Variants in SNRPN observed in about 807,000 individuals in gnomAD.
SNRPN encodes small nuclear ribonucleoprotein polypeptide N.
A neutral mutation model predicts 25.2 loss-of-function variants in SNRPN; 7 were observed. That is an observed-to-expected ratio of 0.28 (90% confidence interval 0.16 to 0.52). The LOEUF is 0.52. Ranked by LOEUF, SNRPN falls within the 20% of genes least tolerant of loss-of-function variation. The pLI is 0.96. For missense variants in SNRPN, 196 were observed against 322.5 expected (o/e 0.61, Z 3.00); for synonymous variants, 124 against 110.6 (o/e 1.12, Z -0.76).
chr15:24,978,663 G>T lies in SNRPN; in HGVS notation c.*219G>T, dbSNP rs1432369402. On this transcript the variant is annotated 3_prime_UTR_variant, in exon 10 of 10. Coordinates refer to ENST00000390687, the MANE Select transcript of SNRPN (RefSeq NM_003097.6). ...TGTGGATGAGGGTGATGCCTATTAA[G>T]CAGTTGATTCAAATCATATTCTCTT... is the stretch of plus-strand genomic sequence containing the variant. The T allele has an allele frequency of 1.0e-5, 6 of 586,206 alleles. No individual in the cohort carries two copies. Among genetic ancestry groups the T allele is most frequent in the East Asian group, 8.4e-5 (3 of 35,504 alleles). The allele number at this position is 586,206 out of a possible 1,614,324, so 36.3% of individuals were successfully genotyped here.
exon 1 of SNRPN, chr15:24,823,661 C>T (rs2049891031): frequency 6.6e-6 from 1 of 152,224 alleles, no homozygotes. Context: ...AAGGGCTGGC[C>T]GCAGCCACTG....
At chr15:24,868,136 TAC>T (rs201794537) in intron 1 of SNRPN, among the ~76,000 whole-genome samples, 4,766 of 151,158 alleles carry the variant, frequency 0.032, 249 homozygotes, top group African/African-American at 0.11. Flanking sequence ...TATATATATA[TAC>T]ACACACACAT....
intron 1 of SNRPN, among the ~76,000 whole-genome samples, chr15:24,958,386 C>G (rs1229070297): frequency 8.1e-6 from 1 of 124,218 alleles, no homozygotes; most frequent in Non-Finnish European, 1.7e-5. Flanking sequence ...GTCCTGTCTC[C>G]TTTTTTTTTT....
intron 3 of SNRPN, among the ~76,000 whole-genome samples, chr15:24,930,855 T>A (rs2152848571): frequency 6.6e-6 from 1 of 150,588 alleles, no homozygotes; most frequent in African/African-American, 2.4e-5. Context: ...GCCAAGATTG[T>A]GCCACTGTAC....
upstream of SNRPN, among the ~76,000 whole-genome samples, chr15:24,852,484 C>T (rs1478893439): frequency 6.6e-6 from 1 of 152,128 alleles, no homozygotes; most frequent in African/African-American, 2.4e-5. Context: ...GTGAAAATAC[C>T]AGTCAGATAT....
rs185401244 is a variant in SNRPN at position 24,909,487 on chromosome 15, C to A, written c.-504-10524C>A. On this transcript the variant is annotated intron_variant, in intron 2 of 11. Transcript: ENST00000400097. ...CTTCATAGATCTTGTCCATGCCAAA[C>A]CTACTGAGAAGCCTGCGGGCCAGCG... 7.9e-3 allele frequency: 12,441 copies of A among 1,567,840 alleles called. 69 individuals carry two copies. Among genetic ancestry groups the A allele is most frequent in the Non-Finnish European group, 9.0e-3 (10,406 of 1,152,510 alleles).
intron 3 of SNRPN, among the ~76,000 whole-genome samples, chr15:24,949,184 G>A (rs986819138): frequency 2.0e-5 from 3 of 151,792 alleles, no homozygotes; most frequent in African/African-American, 7.3e-5. Flanking sequence ...ACCACACCCG[G>A]CTATTTTTTG....
intron 2 of SNRPN, among the ~76,000 whole-genome samples, chr15:24,896,925 G>A (rs564859553): frequency 1.3e-5 from 2 of 152,206 alleles, no homozygotes; most frequent in African/African-American, 4.8e-5. Flanking sequence ...GCTGAGGTGG[G>A]TAGACTGCTT....
chr15:24,839,172 C>A (rs11161145), intron 2 of SNRPN, among the ~76,000 whole-genome samples: 20,320 of 151,910 alleles, frequency 0.13, 1,562 homozygotes, highest in African/African-American at 0.2. Flanking sequence ...GTACCGCCTC[C>A]TGAGCAGGCC....
At chr15:24,902,724 C>CT (rs2058541762) in intron 2 of SNRPN, among the ~76,000 whole-genome samples, 1 of 152,198 alleles carries the variant, frequency 6.6e-6, no homozygotes. Flanking sequence ...GGAGTTGTTC[C>CT]TTCCTCCAGG....
intron 1 of SNRPN, among the ~76,000 whole-genome samples, chr15:24,857,280 T>C (rs1079205): frequency 0.11 from 16,682 of 152,270 alleles, 1,110 homozygotes; most frequent in South Asian, 0.32. Context: ...ACCCCAAAAC[T>C]GTAGACATTG....
chr15:24,873,958 A>G (rs2055536707), intron 1 of SNRPN, among the ~76,000 whole-genome samples: 1 of 151,474 alleles, frequency 6.6e-6, no homozygotes. Context: ...CACCTCCCAC[A>G]GCATACTTCA....
chr15:24,968,839 GATTT>G (rs2076029538), intron 3 of SNRPN: 1 of 152,074 alleles, frequency 6.6e-6, no homozygotes, highest in Non-Finnish European at 1.5e-5. Flanking sequence ...ATGTGATGTA[GATTT>G]ATTTAGTTCT....
intron 1 of SNRPN, among the ~76,000 whole-genome samples, chr15:24,958,439 C>G (rs942051606): frequency 2.0e-4 from 26 of 130,226 alleles, no homozygotes; most frequent in Admixed American, 4.9e-4. Flanking sequence ...AGAATTGTTA[C>G]TACTTAAGGT....
chr15:24,852,600 A>G (rs2145886178), upstream of SNRPN, among the ~76,000 whole-genome samples: 1 of 152,322 alleles, frequency 6.6e-6, no homozygotes, highest in African/African-American at 2.4e-5. Flanking sequence ...AACAAGAAAA[A>G]CAGAATAACA....
At chr15:24,872,056 T>C (rs1178152182) in intron 1 of SNRPN, among the ~76,000 whole-genome samples, 1 of 121,472 alleles carries the variant, frequency 8.2e-6, no homozygotes, top group African/African-American at 2.8e-5. Context: ...ATATGTTGAA[T>C]GACAAACATT....
chr15:24,878,332 G>A (rs7171325), intron 1 of SNRPN, among the ~76,000 whole-genome samples: 10,411 of 152,260 alleles, frequency 0.068, 571 homozygotes, highest in African/African-American at 0.15. Context: ...ATGTGCCACC[G>A]TTCTGAGCGG....
intron 1 of SNRPN, among the ~76,000 whole-genome samples, chr15:24,879,542 T>C (rs760702426): frequency 6.6e-6 from 1 of 152,178 alleles, no homozygotes. Flanking sequence ...AGAAAATAAA[T>C]GTAAAATGCA....
At position 24,922,464 on chromosome 15, in the gene SNRPN, C is replaced by G. The variant is rs142657089; in HGVS notation, c.-391+2340C>G. ...ATACAGTACTGCTTTACAAATATAT[C>G]ATCTAATACCCAAGTCAAGAAAGAC... On this transcript the variant is annotated intron_variant, in intron 3 of 11. Transcript: ENST00000400097. 3.5e-3 allele frequency among the ~76,000 whole-genome samples: 533 copies of G among 152,286 alleles called. 6 individuals carry two copies. The highest frequency in any genetic ancestry group is 0.012 in the African/African-American group (516 of 41,562).
Sources: allele counts gnomAD v4.1 joint callset (sites outside exome capture counted in the v4.1 genomes callset), GRCh38; gene constraint gnomAD v4.1.1; transcripts MANE v1.5; gene names NCBI Gene and HGNC (gene_info 2026-07-23, HGNC 2026-07-21).